The following ADRA1B variants were observed in gnomAD, a reference collection of about 807,000 sequenced individuals.
The protein encoded by ADRA1B is alpha-1B adrenergic receptor.
In ADRA1B, 17 loss-of-function variants were observed where a neutral mutation model predicts 17.9. The ratio of observed to expected loss-of-function variants is 0.95; its 90% CI spans 0.65 to 1.42. The LOEUF is 1.42. Among genes scored for constraint, ADRA1B ranks in the 40% most tolerant of loss-of-function variants. The pLI is 0.00. For missense variants in ADRA1B, 681 were observed against 722.1 expected (o/e 0.94, Z 0.65); for synonymous variants, 366 against 327.6 (o/e 1.12, Z -1.27).
chr5:159,964,353 C>T (rs1239177304), intron 1 of ADRA1B, among the ~76,000 whole-genome samples: 3 of 152,218 alleles, frequency 2.0e-5, no homozygotes. Flanking sequence ...GAGCAGGCCT[C>T]ATTCACACCA....
At chr5:159,875,474 T>C (rs986398129) in intron 1 of ADRA1B, among the ~76,000 whole-genome samples, 5 of 152,114 alleles carry the variant, frequency 3.3e-5, no homozygotes, top group African/African-American at 1.2e-4. Flanking sequence ...CCTGAGACCA[T>C]ACCTAGTGCA....
chr5:159,972,260 T>TC lies in ADRA1B; in HGVS notation c.1335dup (p.Glu446ArgfsTer15). On this transcript the variant is annotated frameshift_variant, in exon 2 of 2. Coordinates refer to ENST00000306675, the MANE Select transcript of ADRA1B (RefSeq NM_000679.4). LOFTEE classifies it low-confidence loss of function (END_TRUNC). ...CCACCGCCAGTCGAGCTGTGCGCCT[T>TC]CCCCGAGTGGAAGGCGCCCGGCGCC... 1 of 867,896 alleles carries TC rather than the reference T, an allele frequency of 1.2e-6. No homozygotes were observed. Among genetic ancestry groups the TC allele is most frequent in the Non-Finnish European group, 1.5e-6 (1 of 645,384 alleles). 53.8% of individuals were successfully genotyped at this position (867,896 alleles called of 1,614,324 possible). A position where few individuals can be genotyped will look rare whatever the true frequency, so the allele number is the denominator to read the frequency against.
At chr5:159,926,338 A>G (rs114125396) in intron 1 of ADRA1B, among the ~76,000 whole-genome samples, 1,749 of 152,094 alleles carry the variant, frequency 0.011, 45 homozygotes, top group African/African-American at 0.04. Context: ...TCCCTGGTTT[A>G]TGGTGCTTGT....
intron 1 of ADRA1B, among the ~76,000 whole-genome samples, chr5:159,953,271 A>G (rs999122956): frequency 1.3e-5 from 2 of 152,164 alleles, no homozygotes; most frequent in African/African-American, 2.4e-5. Context: ...GAGGCAGGAG[A>G]ATCACTTGAA....
chr5:159,897,763 G>A (rs1754055155), intron 1 of ADRA1B, among the ~76,000 whole-genome samples: 1 of 152,172 alleles, frequency 6.6e-6, no homozygotes, highest in Admixed American at 6.5e-5. Context: ...GTAAAATTAA[G>A]AGTCTGGGTT....
Position 159,971,105 on chromosome 5 carries a change from T to C in ADRA1B, c.950-774T>C, listed in dbSNP as rs76513801. 8.1e-4 allele frequency among the ~76,000 whole-genome samples: 123 copies of C among 152,304 alleles called. 2 individuals are homozygous for C. In the East Asian group the frequency reaches 0.011, roughly 14 times the overall value. ...GCATGAGCCACTGCACTCAGCCTCT[T>C]TGCGGTTTTTATTTGATTGCCTAAT... On this transcript the variant is annotated intron_variant, in intron 1 of 1. Transcript: ENST00000306675.
intron 1 of ADRA1B, among the ~76,000 whole-genome samples, chr5:159,882,870 G>A (rs746565894): frequency 5.3e-5 from 8 of 152,194 alleles, no homozygotes; most frequent in Non-Finnish European, 1.0e-4. Context: ...AAGAGAGAGA[G>A]AGGGAGAGAG....
At chr5:159,868,778 A>G (rs1031775577) in intron 1 of ADRA1B, 29 of 152,222 alleles carry the variant, frequency 1.9e-4, no homozygotes, top group African/African-American at 6.8e-4. Context: ...ACTCATTATC[A>G]GTTCATACAC....
At chr5:159,888,413 G>C (rs1051246368) in intron 1 of ADRA1B, 3 of 151,976 alleles carry the variant, frequency 2.0e-5, no homozygotes, top group African/African-American at 7.3e-5. Flanking sequence ...GAGCCTATTT[G>C]GAATAGGCTC....
At chr5:159,936,042 G>A (rs902577830) in intron 1 of ADRA1B, among the ~76,000 whole-genome samples, 1 of 152,128 alleles carries the variant, frequency 6.6e-6, no homozygotes, top group African/African-American at 2.4e-5. Context: ...AATTTTGTTG[G>A]GTGTTGCAAA....
At chr5:159,976,631 C>T (rs933668392), downstream of ADRA1B, among the ~76,000 whole-genome samples, 18 of 146,836 alleles carry the variant, frequency 1.2e-4, no homozygotes, top group African/African-American at 1.8e-4. Flanking sequence ...ACTCCCAGAA[C>T]GAGTTATCTC....
chr5:159,985,686 C>T, the ADRA1B span, among the ~76,000 whole-genome samples: 1 of 152,212 alleles, frequency 6.6e-6, no homozygotes, highest in Non-Finnish European at 1.5e-5. Context: ...TTTACCAGCA[C>T]ACCAAAGGGT....
intron 1 of ADRA1B, among the ~76,000 whole-genome samples, chr5:159,924,478 C>T (rs751724501): frequency 7.9e-5 from 12 of 151,974 alleles, no homozygotes; most frequent in Non-Finnish European, 1.2e-4. Context: ...AAAGAAGTGA[C>T]GGCAAGAAAG....
chr5:159,897,484 TA>T (rs879349805), intron 1 of ADRA1B, among the ~76,000 whole-genome samples: 383 of 140,688 alleles, frequency 2.7e-3, no homozygotes, highest in Admixed American at 2.7e-3. Flanking sequence ...AGACTCCATC[TA>T]AAAAAAAAAA....
chr5:159,963,866 T>C (rs1755723763), intron 1 of ADRA1B, among the ~76,000 whole-genome samples: 1 of 152,336 alleles, frequency 6.6e-6, no homozygotes, highest in Non-Finnish European at 1.5e-5. Flanking sequence ...ATGTGAGCCT[T>C]TGACCCTTGC....
the ADRA1B span, among the ~76,000 whole-genome samples, chr5:159,988,654 T>C: frequency 6.6e-6 from 1 of 151,990 alleles, no homozygotes; most frequent in Non-Finnish European, 1.5e-5. Context: ...TCCTAGAGAG[T>C]TTCAGAACTA....
At chr5:159,946,060 T>C (rs74667306) in intron 1 of ADRA1B, among the ~76,000 whole-genome samples, 2,080 of 152,324 alleles carry the variant, frequency 0.014, 57 homozygotes, top group African/African-American at 0.048. Context: ...TTTCTGTTTT[T>C]AAAGACTTCA....
At chr5:159,913,927 G>A (rs896085638), upstream of ADRA1B, among the ~76,000 whole-genome samples, 9 of 152,026 alleles carry the variant, frequency 5.9e-5, no homozygotes, top group East Asian at 1.9e-4. Context: ...TGCCAGCTAC[G>A]TGCCAGGTTA....
intron 1 of ADRA1B, among the ~76,000 whole-genome samples, chr5:159,957,700 C>T (rs1755583045): frequency 6.6e-6 from 1 of 151,410 alleles, no homozygotes; most frequent in Non-Finnish European, 1.5e-5. Context: ...CTTTGGGAGG[C>T]CAGTGCAGGT....
Sources: allele counts gnomAD v4.1 joint callset (sites outside exome capture counted in the v4.1 genomes callset), GRCh38; gene constraint gnomAD v4.1.1; transcripts MANE v1.5; gene names NCBI Gene and HGNC (gene_info 2026-07-23, HGNC 2026-07-21).